Variants in TSPAN14 observed in about 807,000 individuals in gnomAD.
TSPAN14 encodes tetraspanin-14.
TSPAN14 carries 16 observed loss-of-function variants against 36.6 expected under a neutral mutation model. That is an observed-to-expected ratio of 0.44 (90% CI 0.30 to 0.66). The LOEUF is 0.66. TSPAN14 is among the 30% of genes least tolerant of loss of function. The probability of loss-of-function intolerance (pLI) is 0.12; values close to 1 mark genes in which losing one functional copy is unlikely to be tolerated. For missense variants in TSPAN14, 231 were observed against 355.1 expected (o/e 0.65, Z 2.81); for synonymous variants, 139 against 143.8 (o/e 0.97, Z 0.24).
At chr10:80,465,012 C>T (rs1846162755) in intron 1 of TSPAN14, among the ~76,000 whole-genome samples, 1 of 152,158 alleles carries the variant, frequency 6.6e-6, no homozygotes, top group African/African-American at 2.4e-5. Context: ...CATGTGTTCT[C>T]AGATTCTAGT....
At chr10:80,511,910 C>T (rs185491311) in intron 5 of TSPAN14, among the ~76,000 whole-genome samples, 7 of 151,914 alleles carry the variant, frequency 4.6e-5, no homozygotes, top group Non-Finnish European at 8.8e-5. Context: ...CTCAACCTCC[C>T]GAGTCACTGA....
intron 2 of TSPAN14, among the ~76,000 whole-genome samples, chr10:80,497,733 G>T (rs1197886960): frequency 6.6e-6 from 1 of 152,174 alleles, no homozygotes; most frequent in Non-Finnish European, 1.5e-5. Context: ...GGGGCTCAGT[G>T]GGGGTCAACT....
At chr10:80,517,795 G>T (rs940777263) in intron 8 of TSPAN14, 110 bp from the exon 9 acceptor site, 19 of 1,031,802 alleles carry the variant, frequency 1.8e-5, no homozygotes, top group Non-Finnish European at 2.8e-5. Flanking sequence ...AGTCGCAGCT[G>T]GGGGGTGAGG....
At chr10:80,516,703 G>T (rs1365734992) in intron 8 of TSPAN14, among the ~76,000 whole-genome samples, 1 of 152,214 alleles carries the variant, frequency 6.6e-6, no homozygotes, top group South Asian at 2.1e-4. Context: ...AGATGGGGAG[G>T]TGAAACCCTT....
At chr10:80,467,438 G>T (rs1466925821) in intron 1 of TSPAN14, among the ~76,000 whole-genome samples, 1 of 152,186 alleles carries the variant, frequency 6.6e-6, no homozygotes, top group Non-Finnish European at 1.5e-5. Context: ...TTGAATTCGG[G>T]CTTACTGGGT....
chr10:80,509,547 A>G lies in TSPAN14; in HGVS notation c.450+76A>G. On this transcript the variant is annotated intron_variant, in intron 5 of 8. Coordinates refer to ENST00000429989, the Ensembl canonical transcript of TSPAN14. This position sits in a 1 kb window ranked among gnomAD's most constrained non-coding sequence, Gnocchi z 4.7. ...GCCTGGAGCTGAGTCTAGCAGGGGCATCAGGCCTTCTCTGTGGGTTGTCTG... is the reference window on the plus strand; with the variant it reads ...GCCTGGAGCTGAGTCTAGCAGGGGCGTCAGGCCTTCTCTGTGGGTTGTCTG... 1 of 1,503,890 alleles carries G rather than the reference A, an allele frequency of 6.6e-7. No individual in the cohort carries two copies. Among genetic ancestry groups the G allele is most frequent in the Non-Finnish European group, 9.0e-7 (1 of 1,107,046 alleles). 93.2% of individuals were successfully genotyped at this position (1,503,890 alleles called of 1,614,324 possible).
intron 7 of TSPAN14, among the ~76,000 whole-genome samples, chr10:80,515,248 G>A (rs914683625): frequency 5.9e-5 from 9 of 152,314 alleles, no homozygotes; most frequent in African/African-American, 9.6e-5. Context: ...GAGGCTAGAA[G>A]TCCAAGATCA....
chr10:80,467,141 A>G (rs1049929121), intron 1 of TSPAN14, among the ~76,000 whole-genome samples: 1 of 152,026 alleles, frequency 6.6e-6, no homozygotes, highest in Non-Finnish European at 1.5e-5. Flanking sequence ...TCTTAGTCTT[A>G]TAATCTCTAT....
intron 7 of TSPAN14, chr10:80,515,895 C>T (rs1840914563): frequency 3.1e-6 from 1 of 319,652 alleles, no homozygotes; most frequent in Non-Finnish European, 5.8e-6. Context: ...CTTCAAGCCC[C>T]TTCTCTTTCT....
intron 1 of TSPAN14, among the ~76,000 whole-genome samples, chr10:80,467,879 T>C (rs1333879848): frequency 6.6e-6 from 1 of 152,042 alleles, no homozygotes; most frequent in Non-Finnish European, 1.5e-5. Flanking sequence ...ATTACTTTTG[T>C]TTATTAGTGT....
At chr10:80,471,462 TC>T (rs914574769) in intron 1 of TSPAN14, among the ~76,000 whole-genome samples, 3 of 151,970 alleles carry the variant, frequency 2.0e-5, no homozygotes. Flanking sequence ...GGGCCCAGAC[TC>T]TCCACGTTTG....
intron 1 of TSPAN14, among the ~76,000 whole-genome samples, chr10:80,461,337 C>G (rs1329338589): frequency 6.6e-6 from 1 of 152,232 alleles, no homozygotes; most frequent in Non-Finnish European, 1.5e-5. Context: ...CCTAAAGGCT[C>G]TGTAGCCAGC....
chr10:80,508,385 T>C (rs1169888175), intron 4 of TSPAN14, among the ~76,000 whole-genome samples: 1 of 152,238 alleles, frequency 6.6e-6, no homozygotes, highest in African/African-American at 2.4e-5. Flanking sequence ...CCCAAAGTGC[T>C]GGGATTACAG....
At chr10:80,497,854 C>A in intron 2 of TSPAN14, among the ~76,000 whole-genome samples, 1 of 150,082 alleles carries the variant, frequency 6.7e-6, no homozygotes, top group Non-Finnish European at 1.5e-5. Context: ...GCTGGGAGGG[C>A]ACATGTGTTG....
intron 1 of TSPAN14, among the ~76,000 whole-genome samples, chr10:80,484,102 A>G (rs1201089329): frequency 1.3e-5 from 2 of 151,222 alleles, no homozygotes; most frequent in Non-Finnish European, 1.5e-5. Flanking sequence ...AAAATTAGCC[A>G]GGCCTGGTGG....
intron 2 of TSPAN14, among the ~76,000 whole-genome samples, chr10:80,501,202 G>A (rs552078710): frequency 1.2e-4 from 17 of 147,736 alleles, no homozygotes; most frequent in African/African-American, 4.2e-4. Flanking sequence ...GACCTCCCAA[G>A]TTCAAGCAGT....
At chr10:80,487,634 G>A (rs888140435) in intron 1 of TSPAN14, among the ~76,000 whole-genome samples, 1 of 152,084 alleles carries the variant, frequency 6.6e-6, no homozygotes, top group African/African-American at 2.4e-5. Flanking sequence ...TTCAGGCCTT[G>A]TGTGTGTCCT....
At chr10:80,471,577 G>A (rs1227101323) in intron 1 of TSPAN14, among the ~76,000 whole-genome samples, 1 of 152,196 alleles carries the variant, frequency 6.6e-6, no homozygotes, top group East Asian at 1.9e-4. Flanking sequence ...TCAGAAACAG[G>A]CCTGTCATGA....
intron 2 of TSPAN14, among the ~76,000 whole-genome samples, chr10:80,501,554 A>G (rs1848526762): frequency 6.6e-6 from 1 of 152,178 alleles, no homozygotes; most frequent in South Asian, 2.1e-4. Flanking sequence ...TCCTTAAGGT[A>G]GACTTTTCTC....
Sources: allele counts gnomAD v4.1 joint callset (sites outside exome capture counted in the v4.1 genomes callset), GRCh38; gene constraint gnomAD v4.1.1; non-coding constraint Gnocchi (gnomAD v3.1); transcripts MANE v1.5; gene names NCBI Gene and HGNC (gene_info 2026-07-23, HGNC 2026-07-21).